FIGNL2: variants seen among roughly 807,000 people sequenced by gnomAD.
FIGNL2 encodes the protein fidgetin-like protein 2.
For synonymous variants in FIGNL2, 565 were observed against 484.0 expected (o/e 1.17, Z -2.20); for missense variants, 1,060 against 950.2 (o/e 1.12, Z -1.52).
chr12:51,823,868 A>G (rs1340344222), intron 1 of FIGNL2, among the ~76,000 whole-genome samples: 1 of 152,220 alleles, frequency 6.6e-6, no homozygotes, highest in Non-Finnish European at 1.5e-5. Flanking sequence ...GAAGACAGGT[A>G]GACAATGGCC....
At chr12:51,847,523 CG>C (rs1939777469) in intron 1 of FIGNL2, 1 of 985,344 alleles carries the variant, frequency 1.0e-6, no homozygotes, top group South Asian at 4.7e-5. Flanking sequence ...GACAGCCCTA[CG>C]GCCTAATCCT....
chr12:51,847,194 C>T (rs1395461834), intron 1 of FIGNL2: 4 of 985,276 alleles, frequency 4.1e-6, no homozygotes, highest in Non-Finnish European at 4.8e-6. Flanking sequence ...TAGGAGGATG[C>T]TATGGGATTT....
At chr12:51,845,401 C>A (rs1160808357) in intron 1 of FIGNL2, 2 of 930,312 alleles carry the variant, frequency 2.1e-6, no homozygotes, top group East Asian at 2.3e-4. Flanking sequence ...GGGGCAGGAC[C>A]AGCCCAAGGC....
intron 1 of FIGNL2, among the ~76,000 whole-genome samples, chr12:51,840,109 C>T (rs1273906789): frequency 2.6e-5 from 4 of 152,232 alleles, no homozygotes; most frequent in South Asian, 4.1e-4. Flanking sequence ...TAGCACACAA[C>T]GCAGCCTCAC....
intron 1 of FIGNL2, among the ~76,000 whole-genome samples, chr12:51,839,012 C>G (rs928465231): frequency 7.2e-5 from 11 of 152,144 alleles, no homozygotes; most frequent in African/African-American, 2.4e-4. Context: ...GGACATCTGT[C>G]ACCAGCCTCT....
Position 51,822,173 on chromosome 12 carries a change from C to T in FIGNL2, c.241G>A (p.Gly81Ser), listed in dbSNP as rs1291115735. ...AGGAAGGAGGCGTCGCTGTACCCGC[C>T]CAGGGCCGGACGCTCGTAGGGAGAA... The part of the protein sequence containing the change: ...LDSPYERPAL[G>S]GYSDASFLNG... The change falls in exon 2 of 2, where the codon GGC (glycine) becomes AGC (serine). Residue 81 changes from glycine (G) to serine (S), a missense_variant. Physicochemically the swap from Gly to Ser is moderately conservative, Grantham distance 56. Transcript: ENST00000618634. The T allele has an allele frequency of 3.1e-6, 5 of 1,611,740 alleles. No individual in the cohort carries two copies. In the African/African-American group the frequency reaches 5.3e-5, roughly 17 times the overall value.
chr12:51,824,090 A>C (rs1003358543), intron 1 of FIGNL2: 1 of 152,202 alleles, frequency 6.6e-6, no homozygotes, highest in Non-Finnish European at 1.5e-5. Flanking sequence ...TAGCTCACGT[A>C]CCGTATTCCC....
chr12:51,836,895 C>T (rs1202524212), intron 1 of FIGNL2, among the ~76,000 whole-genome samples: 9 of 152,130 alleles, frequency 5.9e-5, no homozygotes, highest in Non-Finnish European at 1.3e-4. Context: ...GGCGCACATG[C>T]CGGTGGGTGG....
Position 51,821,840 on chromosome 12 carries a change from G to T in FIGNL2, c.574C>A (p.Pro192Thr). Residue 192 changes from proline (P) to threonine (T), a missense_variant, in exon 2 of 2, where the codon CCG becomes ACG. Coordinates refer to ENST00000618634, the MANE Select transcript of FIGNL2 (RefSeq NM_001384995.1). The part of the protein sequence containing the change: ...PPPAALLQPP[P>T]PPGYGPSAPL... The stretch of plus-strand genomic sequence containing the variant: ...GCTGAGGGCCCGTACCCCGGAGGCG[G>T]TGGGGGCTGCAGGAGCGCGGCCGGG... The T allele has an allele frequency of 7.8e-7, 1 of 1,281,124 alleles. No homozygotes were observed. Among genetic ancestry groups the T allele is most frequent in the South Asian group, 3.0e-5 (1 of 32,794 alleles). 79.4% of individuals were successfully genotyped at this position (1,281,124 alleles called of 1,614,324 possible). A position where few individuals can be genotyped will look rare whatever the true frequency, so the allele number is the denominator to read the frequency against.
chr12:51,845,990 A>G (rs1939744139), intron 1 of FIGNL2, among the ~76,000 whole-genome samples: 1 of 152,054 alleles, frequency 6.6e-6, no homozygotes, highest in Non-Finnish European at 1.5e-5. Flanking sequence ...AAGGGAGAGG[A>G]GGAGCCCCAC....
At chr12:51,848,478 G>C (rs1939799520) in intron 1 of FIGNL2, 62 bp downstream of exon 1, 1 of 982,612 alleles carries the variant, frequency 1.0e-6, no homozygotes, top group Non-Finnish European at 1.2e-6. Context: ...ACAAAGCTCC[G>C]GACACCCTGA....
At position 51,822,003 on chromosome 12, in the gene FIGNL2, C is replaced by T. The variant is rs764033999; in HGVS notation, c.411G>A (p.Gly137=). The T allele has an allele frequency of 3.1e-6, 5 of 1,591,770 alleles. No individual in the cohort carries two copies. The highest frequency in any genetic ancestry group is 3.4e-6 in the Non-Finnish European group (4 of 1,170,192). The change falls in exon 2 of 2, where the codon GGG becomes GGA. Residue 137 remains glycine, a synonymous_variant. Transcript: ENST00000618634. ...CGGCGTAGAGGGGTTCAGGGAGGTT[C>T]CCGGCTAAAACTGGGGAGCCCCCCA... ...GALGGSPVLA[G]NLPEPLYAGN...
At position 51,836,598 on chromosome 12, in the gene FIGNL2, A is replaced by G. The variant is rs367589184; in HGVS notation, c.-12+11942T>C. ...TCAGAATCCTAAGGGGAGATGGAGG[A>G]ATCTGTTGGTGCCGGATTATCCCAG... On this transcript the variant is annotated intron_variant, in intron 1 of 1. Transcript: ENST00000618634. 3.3e-5 allele frequency among the ~76,000 whole-genome samples: 5 copies of G among 152,158 alleles called. No homozygotes were observed. In the East Asian group the frequency reaches 9.7e-4, roughly 29 times the overall value.
chr12:51,840,292 G>A (rs888979160), intron 1 of FIGNL2, among the ~76,000 whole-genome samples: 1 of 152,194 alleles, frequency 6.6e-6, no homozygotes. Flanking sequence ...CCTGGGACTT[G>A]GCCCTGCATG....
intron 1 of FIGNL2, among the ~76,000 whole-genome samples, chr12:51,831,455 C>T (rs1200773993): frequency 6.6e-6 from 1 of 152,214 alleles, no homozygotes; most frequent in East Asian, 1.9e-4. Context: ...CAGTGCCAGA[C>T]AGATGTGGCT....
chr12:51,847,824 G>A, intron 1 of FIGNL2: 1 of 985,278 alleles, frequency 1.0e-6, no homozygotes, highest in Non-Finnish European at 1.2e-6. Context: ...TTGCGGTGGG[G>A]AAGTTTGAGG....
At chr12:51,848,517 C>A (rs1039160116) in intron 1 of FIGNL2, 23 bp downstream of exon 1, 13 of 984,680 alleles carry the variant, frequency 1.3e-5, no homozygotes, top group Non-Finnish European at 1.6e-5. Flanking sequence ...CCGCCCCATC[C>A]CGGCCCGCCC....
chr12:51,825,571 G>A (rs1257432824), intron 1 of FIGNL2, among the ~76,000 whole-genome samples: 2 of 151,156 alleles, frequency 1.3e-5, no homozygotes, highest in African/African-American at 4.9e-5. Context: ...CTACTCCACA[G>A]CTCAGACCCT....
intron 1 of FIGNL2, among the ~76,000 whole-genome samples, chr12:51,826,855 C>G (rs984887305): frequency 1.8e-4 from 27 of 152,160 alleles, no homozygotes; most frequent in African/African-American, 5.8e-4. Context: ...AGGCCCAGAA[C>G]GATGTCTCAC....
Sources: allele counts gnomAD v4.1 joint callset (sites outside exome capture counted in the v4.1 genomes callset), GRCh38; gene constraint gnomAD v4.1.1; transcripts MANE v1.5; gene names NCBI Gene and HGNC (gene_info 2026-07-23, HGNC 2026-07-21).